The following DNM3 variants were observed in gnomAD, a reference collection of about 807,000 sequenced individuals.
DNM3 encodes the protein dynamin-3.
DNM3 carries 47 observed loss-of-function variants against 101.6 expected under a neutral mutation model. The observed-to-expected ratio is 0.46, with a 90% CI of 0.37 to 0.59. The LOEUF is 0.59. Among genes scored for constraint, DNM3 ranks in the 20% least tolerant of loss-of-function variants. DNM3 has a pLI of 0.00. For synonymous variants in DNM3, 385 were observed against 387.9 expected (o/e 0.99, Z 0.09); for missense variants, 849 against 1,085.7 (o/e 0.78, Z 3.06).
intron 14 of DNM3, among the ~76,000 whole-genome samples, chr1:172,214,401 A>G (rs1013008331): frequency 2.6e-5 from 4 of 152,120 alleles, no homozygotes; most frequent in African/African-American, 9.7e-5. Context: ...ATATGTAACA[A>G]ACCTGCACGT....
intron 2 of DNM3, among the ~76,000 whole-genome samples, chr1:171,944,149 C>T (rs2041996096): frequency 6.6e-6 from 1 of 151,994 alleles, no homozygotes; most frequent in South Asian, 2.1e-4. Flanking sequence ...GGCTTTGTTC[C>T]AATAAACTTA....
At chr1:171,932,269 A>G (rs1237702436) in intron 2 of DNM3, among the ~76,000 whole-genome samples, 5 of 151,220 alleles carry the variant, frequency 3.3e-5, no homozygotes, top group Non-Finnish European at 7.4e-5. Context: ...CACCTCCCAA[A>G]TAGCTAGGAC....
chr1:172,168,924 A>G (rs1365378421), intron 14 of DNM3, among the ~76,000 whole-genome samples: 1 of 151,972 alleles, frequency 6.6e-6, no homozygotes, highest in Non-Finnish European at 1.5e-5. Flanking sequence ...GGTTTCTACT[A>G]TGTTGTAAGA....
chr1:172,212,151 G>A (rs772537859), intron 14 of DNM3, among the ~76,000 whole-genome samples: 1 of 152,108 alleles, frequency 6.6e-6, no homozygotes, highest in African/African-American at 2.4e-5. Context: ...AGAAAAAAAG[G>A]ATATACAGGG....
At chr1:172,362,601 A>C (rs1306563674) in intron 17 of DNM3, among the ~76,000 whole-genome samples, 10 of 151,836 alleles carry the variant, frequency 6.6e-5, no homozygotes, top group Admixed American at 6.6e-4. Context: ...ATATATACAC[A>C]TGTCTTCCCT....
At chr1:171,857,442 A>C (rs563178729) in intron 1 of DNM3, among the ~76,000 whole-genome samples, 4 of 152,318 alleles carry the variant, frequency 2.6e-5, no homozygotes, top group Admixed American at 2.6e-4. Context: ...GGATAGTAAA[A>C]TTCATAGAAG....
At chr1:172,335,229 A>G (rs1003126480) in intron 17 of DNM3, among the ~76,000 whole-genome samples, 2 of 152,174 alleles carry the variant, frequency 1.3e-5, no homozygotes, top group African/African-American at 4.8e-5. Context: ...CCAAAGATTC[A>G]GCTATCCACA....
rs112453748 is a variant in DNM3 at position 171,873,698 on chromosome 1, G to A, written c.161+31881G>A. 7.8e-3 allele frequency among the ~76,000 whole-genome samples: 1,184 copies of A among 152,248 alleles called. 14 individuals are homozygous for A. The highest frequency in any genetic ancestry group is 0.027 in the African/African-American group (1,110 of 41,552). ...AAGATAAATGACTGTAAAAATGCCTGATGTTCTTAACTATTAGACTTAAAC... is the reference window on the plus strand; with the variant it reads ...AAGATAAATGACTGTAAAAATGCCTAATGTTCTTAACTATTAGACTTAAAC... On this transcript the variant is annotated intron_variant, in intron 1 of 20. Coordinates refer to ENST00000627582, the MANE Select transcript of DNM3 (RefSeq NM_015569.5).
intron 9 of DNM3, among the ~76,000 whole-genome samples, chr1:172,046,392 C>G (rs2049804423): frequency 1.3e-5 from 2 of 152,044 alleles, no homozygotes; most frequent in South Asian, 2.1e-4. Context: ...ACATCACACT[C>G]TGGGGACTGT....
chr1:171,905,932 T>G (rs928755064), intron 1 of DNM3, among the ~76,000 whole-genome samples: 1 of 152,094 alleles, frequency 6.6e-6, no homozygotes, highest in African/African-American at 2.4e-5. Context: ...GGCCCTCTAC[T>G]GATGTAAGCA....
chr1:172,067,827 C>T (rs777239093), intron 10 of DNM3, among the ~76,000 whole-genome samples: 51 of 152,254 alleles, frequency 3.3e-4, no homozygotes, highest in Middle Eastern at 6.8e-3. Context: ...TGTACATATA[C>T]ACATATATTT....
chr1:172,218,746 A>C (rs1466133461), intron 14 of DNM3, among the ~76,000 whole-genome samples: 1 of 152,068 alleles, frequency 6.6e-6, no homozygotes, highest in Non-Finnish European at 1.5e-5. Context: ...GTGAGCTATA[A>C]CCTCCTCTTT....
At position 171,952,025 on chromosome 1, in the gene DNM3, G is replaced by C. The variant is rs996045450; in HGVS notation, c.235+30204G>C. ...ATTGGCAATCAGTTGAAAGAGTTAA[G>C]CTTTGTCTGAAGACCTCAAGTCAGT... On this transcript the variant is annotated intron_variant, in intron 2 of 20. Transcript: ENST00000627582. Among the ~76,000 whole-genome samples the C allele has an allele frequency of 1.7e-4, 26 of 152,170 alleles. 1 individual carries two copies.
At chr1:172,106,538 T>A (rs889835763) in intron 13 of DNM3, among the ~76,000 whole-genome samples, 1 of 152,104 alleles carries the variant, frequency 6.6e-6, no homozygotes, top group Admixed American at 6.5e-5. Context: ...CAAACCCCCA[T>A]GACACAAGTT....
Position 172,408,885 on chromosome 1 carries a change from C to A in DNM3, c.*1044C>A. The A allele has an allele frequency of 1.0e-6, 1 of 985,270 alleles. No homozygotes were observed. The highest frequency in any genetic ancestry group is 1.2e-6 in the Non-Finnish European group (1 of 829,868). 61.0% of individuals were successfully genotyped at this position (985,270 alleles called of 1,614,324 possible). A position where few individuals can be genotyped will look rare whatever the true frequency, so the allele number is the denominator to read the frequency against. ...AAATCTTGAGGCTATGGGATAATCA[C>A]ATTTAAAGAATGGTTCCTGAAATGA... On this transcript the variant is annotated 3_prime_UTR_variant, in exon 21 of 21. Transcript: ENST00000627582.
intron 2 of DNM3, among the ~76,000 whole-genome samples, chr1:171,947,590 C>T: frequency 6.6e-6 from 1 of 152,138 alleles, no homozygotes; most frequent in East Asian, 1.9e-4. Flanking sequence ...ATATTAATAA[C>T]AATAACTTCC....
At chr1:172,413,431 G>A (rs971956704), downstream of DNM3, among the ~76,000 whole-genome samples, 1 of 152,178 alleles carries the variant, frequency 6.6e-6, no homozygotes, top group Non-Finnish European at 1.5e-5. Context: ...GTTTCACCAT[G>A]TTAGCCAGGA....
intron 4 of DNM3, among the ~76,000 whole-genome samples, chr1:172,030,032 T>G (rs2048490290): frequency 1.3e-5 from 2 of 152,192 alleles, no homozygotes. Context: ...CCACTGACTT[T>G]CTTCAAAGAA....
intron 2 of DNM3, among the ~76,000 whole-genome samples, chr1:171,961,219 G>A (rs2043189815): frequency 1.3e-5 from 2 of 152,152 alleles, no homozygotes; most frequent in Admixed American, 1.3e-4. Context: ...GAGGATGTTG[G>A]TGAGACAATG....
Sources: gnomAD v4.1 joint callset for allele counts (sites outside exome capture counted in the v4.1 genomes callset) on GRCh38, gnomAD v4.1.1 for gene constraint, MANE v1.5 for transcripts, NCBI Gene and HGNC (gene_info 2026-07-23, HGNC 2026-07-21) for gene names.